SPESP1: variants seen among roughly 807,000 people sequenced by gnomAD.
SPESP1 encodes equatorial segment protein.
A neutral mutation model predicts 3.1 loss-of-function variants in SPESP1; 1 was observed. The observed-to-expected ratio is 0.33, with a 90% CI of 0.12 to 1.54. SPESP1 has a LOEUF of 1.54. Ranked by LOEUF, SPESP1 falls within the 40% of genes most tolerant of loss-of-function variation. The pLI, the probability that SPESP1 is intolerant of heterozygous loss-of-function variation, is 0.38. For synonymous variants in SPESP1, 138 were observed against 150.7 expected (o/e 0.92, Z 0.62); for missense variants, 398 against 410.1 (o/e 0.97, Z 0.26).
At position 68,945,841 on chromosome 15, in the gene SPESP1, A is replaced by G. The variant is rs1194259063; in HGVS notation, c.307A>G (p.Thr103Ala). Residue 103 changes from threonine (T) to alanine (A), a missense_variant, in exon 2 of 2, where the codon ACA becomes GCA. By Grantham distance (58) the Thr-to-Ala change is moderately conservative. Coordinates refer to ENST00000310673, the MANE Select transcript of SPESP1 (RefSeq NM_145658.4). ...PISEETTTFP[T>A]GGFTPEIGKK... Reference sequence around the variant, plus strand: ...CAGTGAAGAAACTACAACTTTCCCTACAGGAGGCTTCACACCGGAAATAGG... The same window carrying G: ...CAGTGAAGAAACTACAACTTTCCCTGCAGGAGGCTTCACACCGGAAATAGG... 2 of 1,614,194 alleles carry G rather than the reference A, an allele frequency of 1.2e-6. No individual in the cohort carries two copies. The highest frequency in any genetic ancestry group is 3.3e-5 in the Admixed American group (2 of 60,034).
intron 1 of SPESP1, among the ~76,000 whole-genome samples, chr15:68,932,408 T>C (rs1895569857): frequency 7.0e-6 from 1 of 143,736 alleles, no homozygotes; most frequent in Non-Finnish European, 1.5e-5. Flanking sequence ...TTTTTTTGCC[T>C]GAGACAGGGT....
At chr15:68,944,307 C>A (rs1895902677) in intron 1 of SPESP1, among the ~76,000 whole-genome samples, 1 of 146,680 alleles carries the variant, frequency 6.8e-6, no homozygotes, top group African/African-American at 2.6e-5. Context: ...ATAAATAGAA[C>A]TACCTTTTTT....
intron 1 of SPESP1, among the ~76,000 whole-genome samples, chr15:68,936,702 G>A (rs1895690865): frequency 1.3e-5 from 2 of 152,056 alleles, no homozygotes; most frequent in African/African-American, 4.8e-5. Flanking sequence ...AATTATGGAG[G>A]TATTTTAATA....
intron 1 of SPESP1, among the ~76,000 whole-genome samples, chr15:68,937,624 C>T (rs1895716977): frequency 6.6e-6 from 1 of 152,074 alleles, no homozygotes; most frequent in South Asian, 2.1e-4. Flanking sequence ...TCACCCCCCA[C>T]CCACCAACAG....
At chr15:68,934,607 T>C (rs1267793667) in intron 1 of SPESP1, among the ~76,000 whole-genome samples, 1 of 152,210 alleles carries the variant, frequency 6.6e-6, no homozygotes, top group Non-Finnish European at 1.5e-5. Context: ...TGTCCATTGA[T>C]GTTTTATGGG....
rs1206830032 is a variant in SPESP1, at chr15:68,937,977, ATTATT to A, written c.64+7273_64+7277del. Reference sequence around the variant, plus strand: ...AGTTTTAAATTTTATTTATTTATCTATTATTTTATTTTATTTTTTTGAAATGGAGT... The same window carrying A: ...AGTTTTAAATTTTATTTATTTATCTATTATTTTATTTTTTTGAAATGGAGT... On this transcript the variant is annotated intron_variant, in intron 1 of 1. Transcript: ENST00000310673. 2.0e-5 allele frequency among the ~76,000 whole-genome samples: 3 copies of A among 151,832 alleles called. No individual in the cohort carries two copies. In the East Asian group the frequency reaches 5.8e-4, roughly 29 times the overall value.
In SPESP1 at chr15:68,938,674, T is replaced by G. The variant is rs146345627; in HGVS notation, c.65-6925T>G. ...AGAGTAGTATCCCTGCAGAATAATT[T>G]TATCACAACACTAATACAGCTTTGC... On this transcript the variant is annotated intron_variant, in intron 1 of 1. Transcript: ENST00000310673. 6.4e-3 allele frequency among the ~76,000 whole-genome samples: 969 copies of G among 152,358 alleles called. 6 individuals are homozygous for G. Among genetic ancestry groups the G allele is most frequent in the Non-Finnish European group, 0.011 (749 of 68,042 alleles).
At chr15:68,942,956 C>G (rs553450413) in intron 1 of SPESP1, among the ~76,000 whole-genome samples, 1 of 151,802 alleles carries the variant, frequency 6.6e-6, no homozygotes, top group East Asian at 1.9e-4. Flanking sequence ...AGTTATTTTC[C>G]TTTTTAAAAT....
At chr15:68,931,784 G>T (rs1895549779) in intron 1 of SPESP1, among the ~76,000 whole-genome samples, 1 of 152,186 alleles carries the variant, frequency 6.6e-6, no homozygotes, top group Non-Finnish European at 1.5e-5. Flanking sequence ...AAGTCAGGTA[G>T]GTGAGGCTTC....
chr15:68,936,120 A>G (rs1007526434), intron 1 of SPESP1, among the ~76,000 whole-genome samples: 1 of 152,184 alleles, frequency 6.6e-6, no homozygotes, highest in African/African-American at 2.4e-5. Context: ...ATTCAGCCAG[A>G]GTGTGTGGAC....
In SPESP1 at chr15:68,930,586, C is replaced by T; in HGVS notation, c.-68C>T. On this transcript the variant is annotated 5_prime_UTR_variant, in exon 1 of 2. Transcript: ENST00000310673. ...CTCCGCTGACACCTTCCCTTTCGGC[C>T]TTGAGGTTCCCAGCCTGGTGGCCCC... 6.2e-7 allele frequency: 1 copy of T among 1,605,618 alleles called. No homozygotes were observed. The highest frequency in any genetic ancestry group is 8.5e-7 in the Non-Finnish European group (1 of 1,173,552).
At chr15:68,931,399 C>T (rs1481778374) in intron 1 of SPESP1, among the ~76,000 whole-genome samples, 4 of 152,130 alleles carry the variant, frequency 2.6e-5, no homozygotes, top group African/African-American at 7.2e-5. Context: ...CATTCCTTTA[C>T]GTATTGCCCA....
intron 1 of SPESP1, among the ~76,000 whole-genome samples, chr15:68,934,145 C>T (rs1435430362): frequency 6.6e-6 from 1 of 151,836 alleles, no homozygotes; most frequent in Non-Finnish European, 1.5e-5. Context: ...TCCTCTAGAT[C>T]ATCTCTTGGT....
intron 1 of SPESP1, among the ~76,000 whole-genome samples, chr15:68,932,055 ATAC>A (rs1895557509): frequency 6.6e-6 from 1 of 152,354 alleles, no homozygotes; most frequent in Non-Finnish European, 1.5e-5. Context: ...AGCTCTTTAA[ATAC>A]TAGCATTTAT....
intron 1 of SPESP1, among the ~76,000 whole-genome samples, chr15:68,935,057 C>T (rs1285508343): frequency 1.3e-5 from 2 of 152,078 alleles, no homozygotes; most frequent in East Asian, 3.9e-4. Context: ...GTATGAGAGA[C>T]CAAAGTGCCT....
At chr15:68,944,885 G>A (rs116517618) in intron 1 of SPESP1, among the ~76,000 whole-genome samples, 2,296 of 152,180 alleles carry the variant, frequency 0.015, 46 homozygotes, top group African/African-American at 0.052. Flanking sequence ...CTGGCTTTTC[G>A]GAGAGAGGAG....
chr15:68,946,787 T>C lies in SPESP1; in HGVS notation c.*200T>C, dbSNP rs142734460. On this transcript the variant is annotated 3_prime_UTR_variant, in exon 2 of 2. Coordinates refer to ENST00000310673, the MANE Select transcript of SPESP1 (RefSeq NM_145658.4). ...ATTTTCATATGCACTAAAAACCTAA[T>C]TTAAAATAAAATTTTGGTTCAGGAG... 490 of 625,012 alleles carry C rather than the reference T, an allele frequency of 7.8e-4. No individual in the cohort carries two copies. Among genetic ancestry groups the C allele is most frequent in the Non-Finnish European group, 1.0e-3 (467 of 449,918 alleles). 38.7% of individuals were successfully genotyped at this position (625,012 alleles called of 1,614,324 possible).
At chr15:68,938,004 G>C (rs1160635210) in intron 1 of SPESP1, among the ~76,000 whole-genome samples, 3 of 151,174 alleles carry the variant, frequency 2.0e-5, no homozygotes, top group African/African-American at 7.3e-5. Flanking sequence ...TTTTGAAATG[G>C]AGTTTCACTC....
chr15:68,943,902 G>T (rs562981121), intron 1 of SPESP1, among the ~76,000 whole-genome samples: 19 of 152,150 alleles, frequency 1.2e-4, no homozygotes, highest in African/African-American at 3.9e-4. Flanking sequence ...CGTCGATCTG[G>T]TCTTTCTAAG....
Sources: allele counts gnomAD v4.1 joint callset (sites outside exome capture counted in the v4.1 genomes callset), GRCh38; gene constraint gnomAD v4.1.1; transcripts MANE v1.5; gene names NCBI Gene and HGNC (gene_info 2026-07-23, HGNC 2026-07-21).